DOCK2: variants seen among roughly 807,000 people sequenced by gnomAD.
The protein encoded by DOCK2 is dedicator of cytokinesis 2.
Under a neutral mutation model 248.9 loss-of-function variants are expected in DOCK2, and 87 were observed. The observed-to-expected ratio is 0.35, with a 90% confidence interval of 0.29 to 0.42. The LOEUF (loss-of-function observed/expected upper bound fraction) is 0.42. Among genes scored for constraint, DOCK2 ranks in the 10% least tolerant of loss-of-function variants. The pLI is 1.00. For synonymous variants in DOCK2, 805 were observed against 821.6 expected (o/e 0.98, Z 0.35); for missense variants, 1,747 against 2,300.2 (o/e 0.76, Z 4.92).
intron 8 of DOCK2, among the ~76,000 whole-genome samples, chr5:169,685,965 C>T (rs1046522465): frequency 2.6e-5 from 4 of 152,204 alleles, no homozygotes; most frequent in African/African-American, 9.6e-5. Flanking sequence ...ATGGTTTTCA[C>T]CAGGGTTTCA....
chr5:169,698,248 AT>A, intron 10 of DOCK2, 125 bp from the exon 11 acceptor site: 3 of 855,614 alleles, frequency 3.5e-6, no homozygotes, highest in Non-Finnish European at 1.9e-6. Flanking sequence ...CTTGCTTGCC[AT>A]TTTAGGCCTT....
At chr5:170,027,770 G>A in intron 33 of DOCK2, 93 bp from the exon 34 acceptor site, 1 of 1,154,934 alleles carries the variant, frequency 8.7e-7, no homozygotes, top group Non-Finnish European at 1.2e-6. Context: ...GATAAAGAGT[G>A]CTCCCTAAAG....
intron 34 of DOCK2, among the ~76,000 whole-genome samples, chr5:170,029,936 A>C (rs6894283): frequency 2.0e-5 from 3 of 151,984 alleles, no homozygotes; most frequent in Admixed American, 6.5e-5. Flanking sequence ...TCCTGTCACC[A>C]TGCATGGCCC....
Position 169,855,345 on chromosome 5 carries a change from T to C in DOCK2, c.2799+14493T>C, listed in dbSNP as rs1315386005. The stretch of plus-strand genomic sequence containing the variant: ...ATAGGTAATGGAATAGTGTCCCTGG[T>C]AGGGAAAACAGAATTTGCAAAGTTA... On this transcript the variant is annotated intron_variant, in intron 27 of 51. Coordinates refer to ENST00000520908, the MANE Select transcript of DOCK2 (RefSeq NM_004946.3). Among the ~76,000 whole-genome samples the C allele has an allele frequency of 3.3e-5, 5 of 152,288 alleles. No homozygotes were observed. The East Asian group carries it at 9.6e-4, about 29-fold the overall frequency.
chr5:170,040,772 C>G (rs1756489392), intron 36 of DOCK2: 2 of 345,364 alleles, frequency 5.8e-6, no homozygotes, highest in Admixed American at 4.1e-5. Flanking sequence ...CAATAGTTCT[C>G]TCATCTGAAA....
chr5:169,718,563 C>T, intron 21 of DOCK2, 94 bp from the exon 22 acceptor site: 1 of 1,439,250 alleles, frequency 6.9e-7, no homozygotes, highest in South Asian at 1.4e-5. Context: ...TCTACTACCA[C>T]CTTTAACCTT....
intron 23 of DOCK2, among the ~76,000 whole-genome samples, chr5:169,754,041 C>T (rs1051781965): frequency 6.6e-6 from 1 of 152,102 alleles, no homozygotes; most frequent in African/African-American, 2.4e-5. Flanking sequence ...TGTATCATTT[C>T]AAGACATGTT....
At chr5:169,642,796 C>T (rs1757221021) in intron 1 of DOCK2, among the ~76,000 whole-genome samples, 1 of 152,148 alleles carries the variant, frequency 6.6e-6, no homozygotes, top group Non-Finnish European at 1.5e-5. Context: ...TGCCCCTGAC[C>T]ATAATGTTTG....
At chr5:170,051,574 C>G (rs1345730227) in intron 41 of DOCK2, among the ~76,000 whole-genome samples, 2 of 152,132 alleles carry the variant, frequency 1.3e-5, no homozygotes, top group Non-Finnish European at 2.9e-5. Flanking sequence ...TCTTCATGAC[C>G]CTGGTATCTC....
At chr5:169,648,990 G>A (rs1486934777) in intron 1 of DOCK2, among the ~76,000 whole-genome samples, 2 of 152,224 alleles carry the variant, frequency 1.3e-5, no homozygotes, top group African/African-American at 4.8e-5. Context: ...CACCCTCGTG[G>A]ATGCAATGTC....
At chr5:169,991,082 A>C (rs1778193865) in intron 29 of DOCK2, among the ~76,000 whole-genome samples, 1 of 152,256 alleles carries the variant, frequency 6.6e-6, no homozygotes, top group Admixed American at 6.5e-5. Context: ...CACAGAGGTC[A>C]ACCACCCAGC....
At chr5:169,737,608 G>A (rs1325743457) in intron 22 of DOCK2, among the ~76,000 whole-genome samples, 2 of 152,242 alleles carry the variant, frequency 1.3e-5, no homozygotes, top group African/African-American at 4.8e-5. Context: ...GAGACTTTCA[G>A]CCTCCCCCAT....
intron 47 of DOCK2, among the ~76,000 whole-genome samples, chr5:170,077,404 G>A (rs763572347): frequency 3.3e-5 from 5 of 152,130 alleles, no homozygotes; most frequent in African/African-American, 4.8e-5. Flanking sequence ...TGGCCATCAG[G>A]AGCCATCTTA....
In DOCK2 at chr5:169,787,692, C is replaced by G. The variant is rs989546332; in HGVS notation, c.2555-15366C>G. On this transcript the variant is annotated intron_variant, in intron 25 of 51. Transcript: ENST00000520908. ...TTCTTGCCCAGTTGCTATGCTTTTC[C>G]TCCTCCACTTTTGCTTTTTTTTTTT... 2.7e-5 allele frequency among the ~76,000 whole-genome samples: 4 copies of G among 146,528 alleles called. No individual in the cohort carries two copies. In the Admixed American group the frequency reaches 2.8e-4, roughly 10 times the overall value.
intron 25 of DOCK2, among the ~76,000 whole-genome samples, chr5:169,787,721 T>G (rs1349165526): frequency 1.5e-5 from 2 of 129,648 alleles, no homozygotes; most frequent in East Asian, 2.1e-4. Flanking sequence ...TTTTTTTTTT[T>G]GCCTCCTCTT....
intron 27 of DOCK2, among the ~76,000 whole-genome samples, chr5:169,958,901 C>G (rs1776969704): frequency 6.6e-6 from 1 of 152,062 alleles, no homozygotes; most frequent in Admixed American, 6.5e-5. Flanking sequence ...TTGTGTCTCT[C>G]AAAGACAATG....
At position 169,764,626 on chromosome 5, in the gene DOCK2, A is replaced by G. The variant is rs1251448762; in HGVS notation, c.2554+3001A>G. 1.3e-5 allele frequency among the ~76,000 whole-genome samples: 2 copies of G among 152,228 alleles called. No homozygotes were observed. The highest frequency in any genetic ancestry group is 2.9e-5 in the Non-Finnish European group (2 of 68,028). On this transcript the variant is annotated intron_variant, in intron 25 of 51. Coordinates refer to ENST00000520908, the MANE Select transcript of DOCK2 (RefSeq NM_004946.3). This position sits in a 1 kb window ranked among gnomAD's most constrained non-coding sequence, Gnocchi z 4.3. The stretch of plus-strand genomic sequence containing the variant: ...TGGGCTCAGCATAATGTTTCATACT[A>G]AACAGCAATTGTTATTATTGGTGTT...
At chr5:169,905,052 G>A (rs1561811859) in intron 27 of DOCK2, among the ~76,000 whole-genome samples, 1 of 152,184 alleles carries the variant, frequency 6.6e-6, no homozygotes, top group Admixed American at 6.5e-5. Context: ...CTCTCATGGG[G>A]CTGAGGTCAG....
At chr5:169,940,881 T>C (rs1004715658) in intron 27 of DOCK2, among the ~76,000 whole-genome samples, 5 of 152,134 alleles carry the variant, frequency 3.3e-5, no homozygotes, top group Admixed American at 3.3e-4. Context: ...GGACCCCAGA[T>C]CTAGTGGGTA....
Sources: allele counts gnomAD v4.1 joint callset (sites outside exome capture counted in the v4.1 genomes callset), GRCh38; gene constraint gnomAD v4.1.1; non-coding constraint Gnocchi (gnomAD v3.1); transcripts MANE v1.5; gene names NCBI Gene and HGNC (gene_info 2026-07-23, HGNC 2026-07-21).